Variants in RIMKLB observed in about 807,000 individuals in gnomAD.
RIMKLB encodes the protein beta-citrylglutamate synthase B.
Under a neutral mutation model 32.0 loss-of-function variants are expected in RIMKLB, and 7 were observed. The ratio of observed to expected loss-of-function variants is 0.22; its 90% CI spans 0.12 to 0.41. The LOEUF is 0.41. RIMKLB is among the 10% of genes least tolerant of loss of function. The probability of loss-of-function intolerance (pLI) is 1.00; values close to 1 mark genes in which losing one functional copy is unlikely to be tolerated. For synonymous variants in RIMKLB, 172 were observed against 185.1 expected, an observed-to-expected ratio of 0.93 and a Z score of 0.57; for missense variants, 289 against 498.7, an observed-to-expected ratio of 0.58 and a Z score of 4.00.
intron 5 of RIMKLB, among the ~76,000 whole-genome samples, chr12:8,759,622 T>C (rs1002727000): frequency 6.6e-6 from 1 of 152,168 alleles, no homozygotes; most frequent in African/African-American, 2.4e-5. Flanking sequence ...AATTGGGCAG[T>C]TTTGTCTTTT....
the RIMKLB span, among the ~76,000 whole-genome samples, chr12:8,670,782 G>A: frequency 6.6e-6 from 1 of 152,258 alleles, no homozygotes; most frequent in Admixed American, 6.5e-5. Context: ...CACTGCCCTG[G>A]CAGAGGTTCT....
At chr12:8,686,736 C>A (rs1009179430) in intron 1 of RIMKLB, among the ~76,000 whole-genome samples, 6 of 152,090 alleles carry the variant, frequency 3.9e-5, no homozygotes, top group African/African-American at 1.4e-4. Flanking sequence ...CCCGCCTAGG[C>A]CTCCCAAATT....
intron 4 of RIMKLB, among the ~76,000 whole-genome samples, chr12:8,752,590 C>T (rs1018544390): frequency 6.6e-6 from 1 of 152,202 alleles, no homozygotes; most frequent in African/African-American, 2.4e-5. Context: ...AGATCACTAA[C>T]TCCAGTCATT....
At chr12:8,701,151 T>C (rs1943358985) in intron 1 of RIMKLB, among the ~76,000 whole-genome samples, 1 of 152,198 alleles carries the variant, frequency 6.6e-6, no homozygotes, top group Non-Finnish European at 1.5e-5. Context: ...TATTTTTAAA[T>C]GTTAGCTGTG....
intron 5 of RIMKLB, among the ~76,000 whole-genome samples, chr12:8,759,783 G>C (rs750978027): frequency 6.6e-6 from 1 of 152,146 alleles, no homozygotes; most frequent in Non-Finnish European, 1.5e-5. Context: ...AATAAGGATT[G>C]CAGTGATTTC....
intron 5 of RIMKLB, among the ~76,000 whole-genome samples, chr12:8,757,871 G>A (rs868447590): frequency 2.6e-5 from 4 of 151,768 alleles, no homozygotes; most frequent in African/African-American, 4.8e-5. Context: ...TCTCCTCATT[G>A]AATAGTTTCT....
At chr12:8,765,642 G>A (rs2138103587) in intron 5 of RIMKLB, among the ~76,000 whole-genome samples, 1 of 152,226 alleles carries the variant, frequency 6.6e-6, no homozygotes, top group East Asian at 1.9e-4. Flanking sequence ...ACTCTGACTG[G>A]GCCGAATTCT....
At chr12:8,747,759 A>ATTT (rs756632593) in intron 2 of RIMKLB, among the ~76,000 whole-genome samples, 3,341 of 144,908 alleles carry the variant, frequency 0.023, 115 homozygotes, top group African/African-American at 0.078. Context: ...CTCTGGTACA[A>ATTT]TTTTTTTTTT....
chr12:8,710,413 T>C (rs1944281616), intron 1 of RIMKLB, among the ~76,000 whole-genome samples: 1 of 151,240 alleles, frequency 6.6e-6, no homozygotes, highest in Admixed American at 6.6e-5. Flanking sequence ...GTTCAAGCGA[T>C]TATCCTGCCT....
intron 1 of RIMKLB, among the ~76,000 whole-genome samples, chr12:8,711,937 G>A (rs907954111): frequency 6.6e-6 from 1 of 152,154 alleles, no homozygotes; most frequent in Non-Finnish European, 1.5e-5. Context: ...CATAAAAAAA[G>A]TCGTTCCATC....
chr12:8,779,069 GC>G (rs1166106639), downstream of RIMKLB: 1 of 152,164 alleles, frequency 6.6e-6, no homozygotes, highest in East Asian at 1.9e-4. Context: ...CTGCACTCAT[GC>G]AAGAATTTGT....
At chr12:8,679,332 G>A (rs915251446), upstream of RIMKLB, among the ~76,000 whole-genome samples, 2 of 151,884 alleles carry the variant, frequency 1.3e-5, no homozygotes, top group Admixed American at 1.3e-4. Context: ...ACAGGCACCC[G>A]CCACCACCAC....
downstream of RIMKLB, among the ~76,000 whole-genome samples, chr12:8,778,283 A>T (rs2138382920): frequency 6.6e-6 from 1 of 152,334 alleles, no homozygotes; most frequent in South Asian, 2.1e-4. Context: ...TAAAAACTCA[A>T]CATAGCATTC....
In RIMKLB at chr12:8,754,396, TA is replaced by T. The variant is rs530451734; in HGVS notation, c.697+304del. On this transcript the variant is annotated intron_variant, in intron 5 of 5. Transcript: ENST00000535829. Reference sequence around the variant, plus strand: ...TTAAGAGATTCCCTCTTTGGTGATGTACTTATTTTGTATATAATTGGAGTTC... The same window carrying T: ...TTAAGAGATTCCCTCTTTGGTGATGTCTTATTTTGTATATAATTGGAGTTC... Among the ~76,000 whole-genome samples the T allele has an allele frequency of 3.2e-4, 49 of 152,358 alleles. 2 individuals are homozygous for T. The South Asian group carries it at 9.3e-3, about 29-fold the overall frequency.
chr12:8,718,708 T>TGTGG (rs1290026507), intron 2 of RIMKLB, among the ~76,000 whole-genome samples: 2 of 151,178 alleles, frequency 1.3e-5, no homozygotes, highest in African/African-American at 4.9e-5. Context: ...TGTGTGTGTG[T>TGTGG]GTATAATCAT....
At chr12:8,686,324 T>C (rs1233400339) in intron 1 of RIMKLB, among the ~76,000 whole-genome samples, 1 of 151,214 alleles carries the variant, frequency 6.6e-6, no homozygotes, top group Non-Finnish European at 1.5e-5. Flanking sequence ...AGACGGAGTC[T>C]CACTCTGTCA....
chr12:8,767,795 A>G (rs1019509657), intron 5 of RIMKLB, among the ~76,000 whole-genome samples: 1 of 152,202 alleles, frequency 6.6e-6, no homozygotes, highest in Admixed American at 6.5e-5. Context: ...TCTTTCCCAG[A>G]CAACCTCACA....
rs1342427507 is a variant in RIMKLB at position 8,771,888 on chromosome 12, T to G, written c.698-1433T>G. ...CTCCAGTTTTGTTTTTGTTTTGTTT[T>G]GTTTTTGTTTTTGTTTTTGAGATGG... On this transcript the variant is annotated intron_variant, in intron 5 of 5. Coordinates refer to ENST00000535829, the MANE Select transcript of RIMKLB (RefSeq NM_001297776.2). Among the ~76,000 whole-genome samples the G allele has an allele frequency of 3.3e-5, 5 of 152,114 alleles. No individual in the cohort carries two copies. The East Asian group carries it at 9.6e-4, about 29-fold the overall frequency.
chr12:8,716,725 CTTTTTTTTTTTTTT>C (rs71451981), intron 2 of RIMKLB, among the ~76,000 whole-genome samples: 7 of 95,154 alleles, frequency 7.4e-5, no homozygotes, highest in African/African-American at 2.4e-4. Flanking sequence ...TCTTTTCCTT[CTTTTTTTTTTTTTT>C]TTTTTTTTTT....
Sources: allele counts gnomAD v4.1 joint callset (sites outside exome capture counted in the v4.1 genomes callset), GRCh38; gene constraint gnomAD v4.1.1; transcripts MANE v1.5; gene names NCBI Gene and HGNC (gene_info 2026-07-23, HGNC 2026-07-21).